The following SEPTIN8 variants were observed in gnomAD, a reference collection of about 807,000 sequenced individuals.
The protein encoded by SEPTIN8 is septin-8.
SEPTIN8 carries 22 observed loss-of-function variants against 53.1 expected under a neutral mutation model. The ratio of observed to expected loss-of-function variants is 0.41; its 90% confidence interval spans 0.30 to 0.59. SEPTIN8 has a LOEUF of 0.59. Ranked by LOEUF, SEPTIN8 falls within the 20% of genes least tolerant of loss-of-function variation. The pLI is 0.24. For missense variants in SEPTIN8, 536 were observed against 638.7 expected (o/e 0.84, Z 1.73); for synonymous variants, 228 against 248.4 (o/e 0.92, Z 0.77).
chr5:132,759,640 G>T (rs115477722), intron 9 of SEPTIN8, among the ~76,000 whole-genome samples: 31 of 152,334 alleles, frequency 2.0e-4, no homozygotes, highest in African/African-American at 6.5e-4. Context: ...AAGGAAGGAA[G>T]GGCCTGGGCA....
intron 9 of SEPTIN8, 90 bp from the exon 10 acceptor site, chr5:132,752,271 T>C: frequency 6.9e-7 from 1 of 1,450,956 alleles, no homozygotes; most frequent in Non-Finnish European, 9.3e-7. Context: ...CCCAAAGGGG[T>C]ACCCTTTGCC....
chr5:132,765,616 A>G (rs528594185), intron 1 of SEPTIN8, 87 bp from the exon 2 acceptor site: 2 of 1,443,502 alleles, frequency 1.4e-6, no homozygotes, highest in South Asian at 1.4e-5. Flanking sequence ...GAGTTAAAAC[A>G]GTGAAGCAGC....
chr5:132,751,719 T>G lies in SEPTIN8; in HGVS notation c.*297A>C, dbSNP rs921898598. 1 of 578,804 alleles carries G rather than the reference T, an allele frequency of 1.7e-6. No individual in the cohort carries two copies. Among genetic ancestry groups the G allele is most frequent in the Non-Finnish European group, 3.0e-6 (1 of 328,916 alleles). The allele number at this position is 578,804 out of a possible 1,614,324, so 35.9% of individuals were successfully genotyped here. On this transcript the variant is annotated 3_prime_UTR_variant, in exon 10 of 10. Transcript: ENST00000378719. ...AATGGAAACATTGTCATCTAGGTAC[T>G]TTCCGCTCATAACGATGATGTCACA...
intron 1 of SEPTIN8, among the ~76,000 whole-genome samples, chr5:132,766,966 A>G (rs1028436466): frequency 3.3e-5 from 5 of 152,066 alleles, no homozygotes; most frequent in African/African-American, 1.2e-4. Flanking sequence ...CCTTGCATCA[A>G]CGACTCCCAA....
Position 132,770,085 on chromosome 5 carries a change from ATATG to A in SEPTIN8, c.31-4560_31-4557del, listed in dbSNP as rs1757120351. 5.7e-5 allele frequency among the ~76,000 whole-genome samples: 3 copies of A among 52,698 alleles called. No individual in the cohort carries two copies. The African/African-American group carries it at 6.5e-4, about 11-fold the overall frequency. The allele number at this position is 52,698 out of a possible 152,430, so 34.6% of individuals were successfully genotyped here. On this transcript the variant is annotated intron_variant, in intron 1 of 9. Transcript: ENST00000378719. ...TGTGTATATATATATATATATGTAT[ATATG>A]TATATATATATGTATATATGTATAT... is the stretch of plus-strand genomic sequence containing the variant.
At chr5:132,770,115 A>G (rs1490461440) in intron 1 of SEPTIN8, among the ~76,000 whole-genome samples, 13 of 75,638 alleles carry the variant, frequency 1.7e-4, no homozygotes, top group Admixed American at 6.0e-4. Context: ...ATATGTATAT[A>G]TATATATATG....
chr5:132,762,732 G>T, intron 4 of SEPTIN8, 87 bp from the exon 5 acceptor site: 1 of 1,417,680 alleles, frequency 7.1e-7, no homozygotes, highest in Non-Finnish European at 9.8e-7. Context: ...GGATAGACAT[G>T]CCCAGGCCAT....
intron 9 of SEPTIN8, chr5:132,756,073 T>C (rs1755306773): frequency 1.5e-5 from 15 of 985,214 alleles, no homozygotes; most frequent in Non-Finnish European, 1.8e-5. Flanking sequence ...AAACAGTCAA[T>C]GAATGCAGGA....
intron 1 of SEPTIN8, among the ~76,000 whole-genome samples, chr5:132,772,781 G>T (rs1757443342): frequency 6.6e-6 from 1 of 152,130 alleles, no homozygotes; most frequent in South Asian, 2.1e-4. Flanking sequence ...AGAATGTCAG[G>T]TTTGTACCCA....
chr5:132,762,011 G>T, intron 5 of SEPTIN8, 115 bp from the exon 6 acceptor site: 8 of 818,208 alleles, frequency 9.8e-6, no homozygotes, highest in Non-Finnish European at 1.5e-5. Context: ...AAAGGCTCCA[G>T]GGCCAGATGC....
In SEPTIN8 at chr5:132,751,804, G is replaced by T; in HGVS notation, c.*212C>A. On this transcript the variant is annotated 3_prime_UTR_variant, in exon 10 of 10. Transcript: ENST00000378719. ...GAAGCTCAGCTTGGCCACAGGATGG[G>T]CATTAAGCCTCAAGCCCCTTACGGA... 1 of 828,432 alleles carries T rather than the reference G, an allele frequency of 1.2e-6. No homozygotes were observed. Among genetic ancestry groups the T allele is most frequent in the Non-Finnish European group, 1.8e-6 (1 of 543,498 alleles). 51.3% of individuals were successfully genotyped at this position (828,432 alleles called of 1,614,324 possible).
chr5:132,777,827 G>A (rs912072039), upstream of SEPTIN8: 12 of 985,354 alleles, frequency 1.2e-5, no homozygotes, highest in Non-Finnish European at 1.4e-5. This position sits in a 1 kb window ranked among gnomAD's most constrained non-coding sequence, Gnocchi z 4.1. Flanking sequence ...CGGCCTTCCC[G>A]GGCAAGGGAC....
In SEPTIN8 at chr5:132,761,328, C is replaced by T. The variant is rs1459411987; in HGVS notation, c.963-63G>A. ...TATGACGGAATGGGATAGGGCAGGG[C>T]AGAGCCAGAGAAGTAGAATCATGTG... On this transcript the variant is annotated intron_variant, in intron 7 of 9. Coordinates refer to ENST00000378719, the MANE Select transcript of SEPTIN8 (RefSeq NM_001098811.2). The surrounding 1 kb of genome is among the most constrained non-coding windows in gnomAD (Gnocchi z 5.8). 6.2e-7 allele frequency: 1 copy of T among 1,603,656 alleles called. No individual in the cohort carries two copies. Among genetic ancestry groups the T allele is most frequent in the Non-Finnish European group, 8.5e-7 (1 of 1,177,830 alleles).
chr5:132,760,191 A>T lies in SEPTIN8; in HGVS notation c.1286+611T>A, dbSNP rs528715177. ...CTGGCGCGAGTGCCCGCAGTTCTCC[A>T]TCACCACCTGCCAGCCAATACGGGC... On this transcript the variant is annotated intron_variant, in intron 9 of 9. Transcript: ENST00000378719. The surrounding 1 kb of genome is among the most constrained non-coding windows in gnomAD (Gnocchi z 5.2). Among the ~76,000 whole-genome samples the T allele has an allele frequency of 6.6e-6, 1 of 152,018 alleles. No homozygotes were observed. The highest frequency in any genetic ancestry group is 2.4e-5 in the African/African-American group (1 of 41,374).
rs764779185 is a variant in SEPTIN8, at chr5:132,763,786, C to T, written c.454G>A (p.Val152Ile). ...GTGGGCGTGATGAAGTAGAGGCAAA[C>T]GTGGATCCTTGTGTCATGGTAGTCG... ...LFDYHDTRIH[V>I]CLYFITPTGH... The change falls in exon 4 of 10, where the codon GTT becomes ATT. Residue 152 changes from valine (V) to isoleucine (I), a missense_variant. Transcript: ENST00000378719. 3.7e-6 allele frequency: 6 copies of T among 1,613,868 alleles called. No individual in the cohort carries two copies. The highest frequency in any genetic ancestry group is 2.2e-5 in the East Asian group (1 of 44,898).
Position 132,761,408 on chromosome 5 carries a change from G to A in SEPTIN8, c.962+50C>T. 4 of 1,588,630 alleles carry A rather than the reference G, an allele frequency of 2.5e-6. No homozygotes were observed. Among genetic ancestry groups the A allele is most frequent in the African/African-American group, 1.3e-5 (1 of 74,760 alleles). On this transcript the variant is annotated intron_variant, in intron 7 of 9. Coordinates refer to ENST00000378719, the MANE Select transcript of SEPTIN8 (RefSeq NM_001098811.2). This position sits in a 1 kb window ranked among gnomAD's most constrained non-coding sequence, Gnocchi z 5.8. The stretch of plus-strand genomic sequence containing the variant: ...CTCAGGGAACAGATGCCAGGGTGGT[G>A]TGTCTGGCCACAGCTGTGAAGACAG...
chr5:132,765,668 C>A, intron 1 of SEPTIN8, 139 bp from the exon 2 acceptor site: 2 of 1,090,954 alleles, frequency 1.8e-6, no homozygotes, highest in Non-Finnish European at 2.6e-6. Flanking sequence ...CAGACACACC[C>A]TGAGTACACC....
chr5:132,754,126 G>A (rs1284438871), intron 9 of SEPTIN8: 1 of 376,086 alleles, frequency 2.7e-6, no homozygotes, highest in African/African-American at 2.0e-5. Flanking sequence ...ACTTTTGCTT[G>A]TTGGTGCTTT....
Position 132,758,043 on chromosome 5 carries a change from A to C in SEPTIN8, c.1286+2759T>G, listed in dbSNP as rs58900866. The C allele has an allele frequency of 1.6e-4, 160 of 993,404 alleles. No homozygotes were observed. In the African/African-American group the frequency reaches 2.7e-3, roughly 17 times the overall value. The allele number at this position is 993,404 out of a possible 1,614,324, so 61.5% of individuals were successfully genotyped here. A position where few individuals can be genotyped will look rare whatever the true frequency, so the allele number is the denominator to read the frequency against. Reference sequence around the variant, plus strand: ...TACAGGTAGCACCTCTGGGGCACAGACAACAGCTTTGGGCTGCTGTTCCAT... The same window carrying C: ...TACAGGTAGCACCTCTGGGGCACAGCCAACAGCTTTGGGCTGCTGTTCCAT... On this transcript the variant is annotated intron_variant, in intron 9 of 9. Coordinates refer to ENST00000378719, the MANE Select transcript of SEPTIN8 (RefSeq NM_001098811.2).
Sources: allele counts gnomAD v4.1 joint callset (sites outside exome capture counted in the v4.1 genomes callset), GRCh38; gene constraint gnomAD v4.1.1; non-coding constraint Gnocchi (gnomAD v3.1); transcripts MANE v1.5; gene names NCBI Gene and HGNC (gene_info 2026-07-23, HGNC 2026-07-21).